Variants in ERP44 observed in about 807,000 individuals in gnomAD.
The protein encoded by ERP44 is endoplasmic reticulum protein 44.
A neutral mutation model predicts 53.4 loss-of-function variants in ERP44; 25 were observed. That is an observed-to-expected ratio of 0.47 (90% CI 0.34 to 0.65). The LOEUF (loss-of-function observed/expected upper bound fraction) is 0.65, where lower values mean the gene tolerates loss of function less well. ERP44 is among the 30% of genes least tolerant of loss of function. The probability of loss-of-function intolerance (pLI) is 0.01; values close to 1 mark genes in which losing one functional copy is unlikely to be tolerated. For synonymous variants in ERP44, 145 were observed against 161.2 expected (o/e 0.90, Z 0.76); for missense variants, 338 against 493.2 (o/e 0.69, Z 2.98).
chr9:100,010,901 C>CA (rs200594567), intron 8 of ERP44, among the ~76,000 whole-genome samples: 60,479 of 117,430 alleles, frequency 0.52, 14,913 homozygotes, highest in East Asian at 0.89. Flanking sequence ...AACTCCATCT[C>CA]AAAAAAAAAA....
chr9:100,061,152 A>C (rs1236745319), intron 1 of ERP44, among the ~76,000 whole-genome samples: 4 of 152,192 alleles, frequency 2.6e-5, no homozygotes, highest in Non-Finnish European at 5.9e-5. Context: ...ATTTTTAAAA[A>C]TATTTCTGGG....
chr9:99,985,657 G>A (rs577402076), intron 10 of ERP44, among the ~76,000 whole-genome samples: 1 of 152,282 alleles, frequency 6.6e-6, no homozygotes, highest in South Asian at 2.1e-4. Flanking sequence ...TCACTAGACA[G>A]TGAAACCAAT....
chr9:100,084,798 C>T (rs549890921), intron 1 of ERP44, among the ~76,000 whole-genome samples: 89 of 152,290 alleles, frequency 5.8e-4, no homozygotes, highest in African/African-American at 2.0e-3. Flanking sequence ...TGCTTATTTC[C>T]TTAAATACCA....
chr9:100,074,660 C>T (rs931725358), intron 1 of ERP44, among the ~76,000 whole-genome samples: 13 of 152,140 alleles, frequency 8.5e-5, no homozygotes, highest in African/African-American at 2.7e-4. Flanking sequence ...CCCATCCTTC[C>T]CCAAGGAGAC....
chr9:100,076,380 C>T (rs930747684), intron 1 of ERP44, among the ~76,000 whole-genome samples: 1 of 152,204 alleles, frequency 6.6e-6, no homozygotes, highest in African/African-American at 2.4e-5. Flanking sequence ...CACCAATGGC[C>T]TCATGGGGAG....
At chr9:99,995,920 C>CTTTTTTT (rs34632626) in intron 10 of ERP44, among the ~76,000 whole-genome samples, 124 of 121,356 alleles carry the variant, frequency 1.0e-3, no homozygotes, top group African/African-American at 1.5e-3. Flanking sequence ...TAGGGTAGTT[C>CTTTTTTT]TTTTTTTTTT....
chr9:100,046,040 T>A (rs971661509), intron 4 of ERP44, among the ~76,000 whole-genome samples: 5 of 152,142 alleles, frequency 3.3e-5, no homozygotes, highest in African/African-American at 9.7e-5. Context: ...AAATCAATCT[T>A]ATTTCTATAA....
chr9:100,024,216 C>T lies in ERP44; in HGVS notation c.287-1990G>A, dbSNP rs566050515. Among the ~76,000 whole-genome samples the T allele has an allele frequency of 2.6e-5, 4 of 151,816 alleles. No homozygotes were observed. In the South Asian group the frequency reaches 8.3e-4, roughly 32 times the overall value. On this transcript the variant is annotated intron_variant, in intron 4 of 11. Transcript: ENST00000262455. ...ACAAAGTTACTATTTCTCTAAATGT[C>T]CATCAATAGGAGACTGGCTGAATAA... is the stretch of plus-strand genomic sequence containing the variant.
chr9:100,075,186 T>C (rs985999437), intron 1 of ERP44, among the ~76,000 whole-genome samples: 1 of 152,256 alleles, frequency 6.6e-6, no homozygotes, highest in Middle Eastern at 3.2e-3. Flanking sequence ...AGAAGATAGA[T>C]GGATCTTGGA....
chr9:100,019,047 A>G (rs1830556051), intron 6 of ERP44, among the ~76,000 whole-genome samples: 1 of 152,262 alleles, frequency 6.6e-6, no homozygotes, highest in Non-Finnish European at 1.5e-5. Flanking sequence ...GAGTAGAGAC[A>G]GACTAACAAG....
chr9:100,022,119 A>G lies in ERP44; in HGVS notation c.394T>C (p.Leu132=), dbSNP rs1017150482. The change falls in exon 5 of 12, where the codon TTG becomes CTG. Residue 132 remains leucine (L), a synonymous_variant. Transcript: ENST00000262455. ...TTTTGTTGCCTGATGTAATCTGCCA[A>G]TGCTTTCACTGATCGCTGACCCCTG... ...EYRGQRSVKA[L]ADYIRQQKSD... 5.0e-6 allele frequency: 8 copies of G among 1,613,994 alleles called. No homozygotes were observed. The highest frequency in any genetic ancestry group is 1.7e-5 in the Admixed American group (1 of 60,010).
intron 1 of ERP44, among the ~76,000 whole-genome samples, chr9:100,070,902 T>C (rs1826294704): frequency 6.6e-6 from 1 of 151,928 alleles, no homozygotes; most frequent in Non-Finnish European, 1.5e-5. Flanking sequence ...GAGTCAAGTA[T>C]TTGGGAGATA....
chr9:100,025,413 G>T (rs1830641254), intron 4 of ERP44, among the ~76,000 whole-genome samples: 1 of 152,034 alleles, frequency 6.6e-6, no homozygotes, highest in African/African-American at 2.4e-5. Context: ...ACATACAAAG[G>T]ATAATACATC....
intron 4 of ERP44, among the ~76,000 whole-genome samples, chr9:100,049,955 T>C (rs1447706750): frequency 2.0e-5 from 3 of 151,328 alleles, no homozygotes; most frequent in East Asian, 1.9e-4. Flanking sequence ...TTGTGGTATA[T>C]AGCCACACAA....
intron 2 of ERP44, 60 bp from the exon 3 acceptor site, chr9:100,057,919 TAC>T: frequency 7.9e-7 from 1 of 1,262,212 alleles, no homozygotes; most frequent in Non-Finnish European, 1.1e-6. Context: ...TAATTAAACA[TAC>T]AGTTTCATTA....
Position 100,021,963 on chromosome 9 carries a change from C to T in ERP44, c.471+79G>A, listed in dbSNP as rs534114979. On this transcript the variant is annotated intron_variant, in intron 5 of 11. Transcript: ENST00000262455. ...ACTGCAATAGACTATAGGAGAATGTCCAGATTTTTTGTTTGCATTAGAATT... is the reference window on the plus strand; with the variant it reads ...ACTGCAATAGACTATAGGAGAATGTTCAGATTTTTTGTTTGCATTAGAATT... 1.1e-5 allele frequency: 14 copies of T among 1,287,328 alleles called. No individual in the cohort carries two copies. In the East Asian group the frequency reaches 3.2e-4, roughly 30 times the overall value. 79.7% of individuals were successfully genotyped at this position (1,287,328 alleles called of 1,614,324 possible). A position where few individuals can be genotyped will look rare whatever the true frequency, so the allele number is the denominator to read the frequency against.
At chr9:100,090,531 C>G (rs1307118832) in intron 1 of ERP44, among the ~76,000 whole-genome samples, 1 of 152,014 alleles carries the variant, frequency 6.6e-6, no homozygotes, top group Admixed American at 6.6e-5. Flanking sequence ...GGTGGATCAC[C>G]TGAGGTCAGG....
At chr9:100,095,444 A>AT (rs942870880) in intron 1 of ERP44, among the ~76,000 whole-genome samples, 10 of 151,590 alleles carry the variant, frequency 6.6e-5, no homozygotes, top group South Asian at 2.1e-4. Flanking sequence ...AATGCTGTTT[A>AT]TTTTTTTTTA....
intron 1 of ERP44, among the ~76,000 whole-genome samples, chr9:100,088,394 G>T (rs1826510653): frequency 6.6e-6 from 1 of 152,182 alleles, no homozygotes; most frequent in Admixed American, 6.5e-5. Context: ...TAACGGCCCT[G>T]CCTGGAAGGC....
Sources: gnomAD v4.1 joint callset for allele counts (sites outside exome capture counted in the v4.1 genomes callset) on GRCh38, gnomAD v4.1.1 for gene constraint, MANE v1.5 for transcripts, NCBI Gene and HGNC (gene_info 2026-07-23, HGNC 2026-07-21) for gene names.